DSCAM: variants seen among roughly 807,000 people sequenced by gnomAD.
DSCAM encodes cell adhesion molecule DSCAM.
In DSCAM, 47 loss-of-function variants were observed where a neutral mutation model predicts 217.7. The observed-to-expected ratio is 0.22, with a 90% confidence interval of 0.17 to 0.28. The LOEUF is 0.28. Ranked by LOEUF, DSCAM falls within the 10% of genes least tolerant of loss-of-function variation. The pLI is 1.00. For missense variants in DSCAM, 2,080 were observed against 2,618.3 expected, an observed-to-expected ratio of 0.79 and a Z score of 4.49; for synonymous variants, 1,056 against 1,015.3, an observed-to-expected ratio of 1.04 and a Z score of -0.76.
intron 11 of DSCAM, among the ~76,000 whole-genome samples, chr21:40,195,693 G>A (rs943737257): frequency 2.6e-5 from 4 of 152,166 alleles, no homozygotes; most frequent in Non-Finnish European, 5.9e-5. Context: ...AGCCAAGAAC[G>A]AGGCAGCATA....
chr21:40,552,943 G>A (rs975870846), intron 3 of DSCAM, among the ~76,000 whole-genome samples: 9 of 144,668 alleles, frequency 6.2e-5, no homozygotes, highest in Non-Finnish European at 1.4e-4. Context: ...ACATTATACA[G>A]CTCATGTGGA....
intron 3 of DSCAM, among the ~76,000 whole-genome samples, chr21:40,593,189 T>C (rs746427115): frequency 2.3e-4 from 35 of 152,236 alleles, no homozygotes; most frequent in Admixed American, 1.8e-3. Context: ...TTTTTTTTTA[T>C]TAAGTCTGTG....
At chr21:40,634,959 C>T (rs1490525698) in intron 3 of DSCAM, among the ~76,000 whole-genome samples, 1 of 152,204 alleles carries the variant, frequency 6.6e-6, no homozygotes, top group Admixed American at 6.5e-5. Context: ...AGTTGTCTGC[C>T]TGCTCCCACT....
intron 3 of DSCAM, among the ~76,000 whole-genome samples, chr21:40,438,162 G>T (rs945339880): frequency 6.6e-6 from 1 of 152,202 alleles, no homozygotes; most frequent in Non-Finnish European, 1.5e-5. Context: ...GATGCCACTT[G>T]TCATTGAGCT....
At chr21:40,368,547 G>T (rs2074858892) in intron 4 of DSCAM, among the ~76,000 whole-genome samples, 1 of 152,230 alleles carries the variant, frequency 6.6e-6, no homozygotes, top group Non-Finnish European at 1.5e-5. Context: ...AGGACAAAAA[G>T]TGGGTGCTCA....
chr21:40,423,349 C>A (rs1052140551), intron 3 of DSCAM, among the ~76,000 whole-genome samples: 5 of 151,768 alleles, frequency 3.3e-5, no homozygotes, highest in African/African-American at 1.2e-4. Context: ...TTATCCACAA[C>A]GAGAGAGAGA....
intron 3 of DSCAM, among the ~76,000 whole-genome samples, chr21:40,636,927 C>T (rs2089768892): frequency 6.7e-6 from 1 of 150,136 alleles, no homozygotes; most frequent in African/African-American, 2.5e-5. Context: ...CAAGCGGAAT[C>T]AAGCCCAGCT....
At chr21:40,362,334 G>T (rs1216152355) in intron 4 of DSCAM, among the ~76,000 whole-genome samples, 1 of 152,108 alleles carries the variant, frequency 6.6e-6, no homozygotes, top group Non-Finnish European at 1.5e-5. Context: ...GAATTTGCTT[G>T]TCCATGTCAT....
intron 11 of DSCAM, among the ~76,000 whole-genome samples, chr21:40,219,810 A>G (rs1569007006): frequency 6.6e-6 from 1 of 152,222 alleles, no homozygotes; most frequent in Non-Finnish European, 1.5e-5. Flanking sequence ...TTTGAGTAGC[A>G]TTCTACTTCA....
At chr21:40,505,970 A>G (rs1349710355) in intron 3 of DSCAM, among the ~76,000 whole-genome samples, 1 of 152,202 alleles carries the variant, frequency 6.6e-6, no homozygotes, top group African/African-American at 2.4e-5. Flanking sequence ...AATGTTCAAA[A>G]TGATGCAAAG....
intron 3 of DSCAM, among the ~76,000 whole-genome samples, chr21:40,632,206 A>G (rs1040482717): frequency 2.0e-5 from 3 of 152,164 alleles, no homozygotes; most frequent in South Asian, 2.1e-4. Context: ...AGGAGGGCAA[A>G]ATAATAAATA....
intron 1 of DSCAM, among the ~76,000 whole-genome samples, chr21:40,803,499 G>A (rs1033056123): frequency 7.2e-5 from 11 of 152,126 alleles, no homozygotes; most frequent in Non-Finnish European, 8.8e-5. Context: ...CTGATCAATC[G>A]TGTGATGTTT....
At chr21:40,823,202 A>G (rs1172284309) in intron 1 of DSCAM, among the ~76,000 whole-genome samples, 1 of 60,824 alleles carries the variant, frequency 1.6e-5, no homozygotes, top group East Asian at 4.4e-4. Flanking sequence ...GCATACATAC[A>G]TTGTGTGTGT....
chr21:40,534,993 C>T lies in DSCAM; in HGVS notation c.508+157817G>A, dbSNP rs139450236. 6.3e-3 allele frequency among the ~76,000 whole-genome samples: 963 copies of T among 152,130 alleles called. 15 individuals are homozygous for T. Among genetic ancestry groups the T allele is most frequent in the Middle Eastern group, 0.014 (4 of 294 alleles). The stretch of plus-strand genomic sequence containing the variant: ...AGGATGGACTTTTCTGATAGACATA[C>T]CTGGGTCTGACTTGGTTCCCCAAGA... On this transcript the variant is annotated intron_variant, in intron 3 of 32. Coordinates refer to ENST00000400454, the MANE Select transcript of DSCAM (RefSeq NM_001389.5).
At position 40,339,312 on chromosome 21, in the gene DSCAM, G is replaced by A; in HGVS notation, c.1314C>T (p.Ile438=). The A allele has an allele frequency of 6.2e-7, 1 of 1,614,156 alleles. No homozygotes were observed. Among genetic ancestry groups the A allele is most frequent in the Non-Finnish European group, 8.5e-7 (1 of 1,180,030 alleles). Reference sequence around the variant, plus strand: ...TCGGGTCATCGTCCAGGGTCCACGTGATCGTGGGCAAAGGTGTTCCCTTCA... The same window carrying A: ...TCGGGTCATCGTCCAGGGTCCACGTAATCGTGGGCAAAGGTGTTCCCTTCA... ...CNVKGTPLPT[I]TWTLDDDPIL... is the part of the protein sequence containing the mutation. Residue 438 remains isoleucine, a synonymous_variant, in exon 7 of 33, where the codon ATC becomes ATT. Transcript: ENST00000400454.
chr21:40,735,868 G>A (rs35255399), intron 1 of DSCAM, among the ~76,000 whole-genome samples: 16,087 of 152,084 alleles, frequency 0.11, 849 homozygotes, highest in Middle Eastern at 0.16. Flanking sequence ...TTTCAGATCA[G>A]TTCTGACACT....
At chr21:40,236,243 G>T (rs770652992) in intron 11 of DSCAM, among the ~76,000 whole-genome samples, 37 of 152,302 alleles carry the variant, frequency 2.4e-4, no homozygotes, top group South Asian at 1.0e-3. Context: ...TGAGCCCAGG[G>T]TGTGGCCCAA....
intron 3 of DSCAM, among the ~76,000 whole-genome samples, chr21:40,594,533 A>G (rs1040900221): frequency 2.0e-5 from 3 of 152,236 alleles, no homozygotes; most frequent in Non-Finnish European, 2.9e-5. Context: ...ATTCAATAAA[A>G]TAACAGCTGT....
At chr21:40,436,384 T>TG (rs1433271427) in intron 3 of DSCAM, among the ~76,000 whole-genome samples, 2 of 152,192 alleles carry the variant, frequency 1.3e-5, no homozygotes, top group African/African-American at 4.8e-5. Context: ...CATAGTCCTC[T>TG]GGGGGAAGAA....
Sources: gnomAD v4.1 joint callset for allele counts (sites outside exome capture counted in the v4.1 genomes callset) on GRCh38, gnomAD v4.1.1 for gene constraint, MANE v1.5 for transcripts, NCBI Gene and HGNC (gene_info 2026-07-23, HGNC 2026-07-21) for gene names.